EPHA5: variants seen among roughly 807,000 people sequenced by gnomAD.
EPHA5 encodes the protein ephrin type-A receptor 5.
In EPHA5, 60 loss-of-function variants were observed where a neutral mutation model predicts 105.0. The observed-to-expected ratio is 0.57, with a 90% CI of 0.46 to 0.71. The LOEUF is 0.71. EPHA5 is among the 30% of genes least tolerant of loss of function. The probability of loss-of-function intolerance (pLI) is 0.00; values close to 1 mark genes in which losing one functional copy is unlikely to be tolerated. For missense variants in EPHA5, 1,218 were observed against 1,274.7 expected (o/e 0.96, Z 0.68); for synonymous variants, 513 against 449.1 (o/e 1.14, Z -1.80).
intron 3 of EPHA5, among the ~76,000 whole-genome samples, chr4:65,522,110 T>C (rs1734789092): frequency 6.6e-6 from 1 of 151,912 alleles, no homozygotes. Context: ...GATTAAAATA[T>C]GCCAGAAGTG....
intron 3 of EPHA5, among the ~76,000 whole-genome samples, chr4:65,597,761 A>G (rs1406464722): frequency 6.6e-6 from 1 of 152,202 alleles, no homozygotes; most frequent in Non-Finnish European, 1.5e-5. Context: ...GAGGTAGTCT[A>G]TTTCTCTTAA....
intron 5 of EPHA5, among the ~76,000 whole-genome samples, chr4:65,472,261 G>C (rs559657144): frequency 6.6e-6 from 1 of 152,206 alleles, no homozygotes; most frequent in Non-Finnish European, 1.5e-5. Flanking sequence ...GCCAAAGGTG[G>C]GCTCTTATAG....
chr4:65,619,792 A>C (rs2149473945), intron 2 of EPHA5, among the ~76,000 whole-genome samples: 1 of 152,110 alleles, frequency 6.6e-6, no homozygotes, highest in African/African-American at 2.4e-5. Context: ...TACTTACATA[A>C]AAATACATAC....
intron 5 of EPHA5, among the ~76,000 whole-genome samples, chr4:65,486,959 G>A (rs1056543267): frequency 6.6e-6 from 1 of 152,146 alleles, no homozygotes; most frequent in African/African-American, 2.4e-5. Flanking sequence ...AGCAAGTTCT[G>A]AAGAGGTCTG....
At position 65,336,111 on chromosome 4, in the gene EPHA5, T is replaced by C. The variant is rs139495389; in HGVS notation, c.2610A>G (p.Val870=). Residue 870 remains valine, a synonymous_variant, in exon 15 of 17, where the codon GTA becomes GTG. Coordinates refer to ENST00000613740, the MANE Select transcript of EPHA5 (RefSeq NM_001281766.3). ...GGCTTGGCAGACGATAGCCTTCCTC[T>C]ACCGCTTTAATCACCTGTATAAAGC... ...EMTNQDVIKA[V]EEGYRLPSPM... is the part of the protein sequence containing the mutation. 65 of 1,610,946 alleles carry C rather than the reference T, an allele frequency of 4.0e-5. No homozygotes were observed. In the African/African-American group the frequency reaches 7.9e-4, roughly 20 times the overall value.
chr4:65,320,291 CAAAT>C lies in EPHA5; in HGVS notation c.*3819_*3822del, dbSNP rs984987550. The stretch of plus-strand genomic sequence containing the variant: ...GATGACTTATTTTACTTATTAATGT[CAAAT>C]AAAGCTAGCATTTTGATTCCATTTA... On this transcript the variant is annotated 3_prime_UTR_variant, in exon 17 of 17. Coordinates refer to ENST00000613740, the MANE Select transcript of EPHA5 (RefSeq NM_001281766.3). 7 of 230,048 alleles carry C rather than the reference CAAAT, an allele frequency of 3.0e-5. No individual in the cohort carries two copies. The highest frequency in any genetic ancestry group is 1.6e-4 in the African/African-American group (7 of 45,106). The allele number at this position is 230,048 out of a possible 1,614,324, so 14.3% of individuals were successfully genotyped here.
chr4:65,573,199 C>G (rs1317621915), intron 3 of EPHA5, among the ~76,000 whole-genome samples: 1 of 151,726 alleles, frequency 6.6e-6, no homozygotes, highest in African/African-American at 2.4e-5. Context: ...ATCACGAGGT[C>G]AGGATATAGA....
At chr4:65,621,685 C>A (rs1209792230) in intron 2 of EPHA5, among the ~76,000 whole-genome samples, 1 of 151,914 alleles carries the variant, frequency 6.6e-6, no homozygotes, top group Non-Finnish European at 1.5e-5. Flanking sequence ...AGTCAGGTGC[C>A]CAGGGACAAA....
chr4:65,558,643 T>A (rs1023592792), intron 3 of EPHA5, among the ~76,000 whole-genome samples: 2 of 152,236 alleles, frequency 1.3e-5, no homozygotes, highest in South Asian at 2.1e-4. Flanking sequence ...GCTGCACCCA[T>A]TAACTCGTCA....
In EPHA5 at chr4:65,365,747, A is replaced by T. The variant is rs111720165; in HGVS notation, c.1987+185T>A. On this transcript the variant is annotated intron_variant, in intron 10 of 16. Transcript: ENST00000613740. ...GCTGTTTTTAAATTTTATAAACCAG[A>T]TATTTGCTGGTTTAAGCTTGAGTTA... Among the ~76,000 whole-genome samples the T allele has an allele frequency of 5.2e-3, 764 of 146,672 alleles. 8 individuals are homozygous for T. The highest frequency in any genetic ancestry group is 0.017 in the African/African-American group (711 of 40,748).
At chr4:65,638,203 T>A (rs1410892366) in intron 2 of EPHA5, among the ~76,000 whole-genome samples, 1 of 152,184 alleles carries the variant, frequency 6.6e-6, no homozygotes, top group East Asian at 1.9e-4. Context: ...GCATTTTGAA[T>A]TCCCAAGGGA....
At chr4:65,558,769 T>G (rs541375897) in intron 3 of EPHA5, among the ~76,000 whole-genome samples, 37 of 152,228 alleles carry the variant, frequency 2.4e-4, no homozygotes, top group Admixed American at 1.3e-3. Context: ...TAGAAAATAA[T>G]TATAGAAGGT....
intron 1 of EPHA5, among the ~76,000 whole-genome samples, chr4:65,667,554 T>C (rs1052310830): frequency 6.6e-6 from 1 of 152,116 alleles, no homozygotes; most frequent in African/African-American, 2.4e-5. Flanking sequence ...CAATACAATC[T>C]GTGGGTGTTA....
chr4:65,588,317 C>T (rs1742315512), intron 3 of EPHA5, among the ~76,000 whole-genome samples: 1 of 152,128 alleles, frequency 6.6e-6, no homozygotes, highest in Admixed American at 6.6e-5. Context: ...TCTATTATTT[C>T]TAGTATATTA....
At position 65,490,465 on chromosome 4, in the gene EPHA5, G is replaced by T. The variant is rs1731290276; in HGVS notation, c.1314C>A (p.Thr438=). The T allele has an allele frequency of 6.2e-7, 1 of 1,614,118 alleles. No individual in the cohort carries two copies. Among genetic ancestry groups the T allele is most frequent in the Non-Finnish European group, 8.5e-7 (1 of 1,180,012 alleles). Residue 438 remains threonine, a synonymous_variant, in exon 5 of 17, where the codon ACC becomes ACA. Coordinates refer to ENST00000613740, the MANE Select transcript of EPHA5 (RefSeq NM_001281766.3). ...CTCCATTCACTGCCTCAATCTCAAAGGTATAGTTTGTGTGAGCGAGTAGAT... is the reference window on the plus strand; with the variant it reads ...CTCCATTCACTGCCTCAATCTCAAATGTATAGTTTGTGTGAGCGAGTAGAT... ...MVDLLAHTNY[T]FEIEAVNGVS...
chr4:65,666,027 A>C (rs1578734525), intron 1 of EPHA5, among the ~76,000 whole-genome samples: 1 of 152,182 alleles, frequency 6.6e-6, no homozygotes, highest in African/African-American at 2.4e-5. Flanking sequence ...TAGTTTTACA[A>C]ATCTATTATG....
At chr4:65,577,532 GA>G (rs1741184878) in intron 3 of EPHA5, among the ~76,000 whole-genome samples, 1 of 151,952 alleles carries the variant, frequency 6.6e-6, no homozygotes, top group Non-Finnish European at 1.5e-5. Flanking sequence ...ACCAATACAG[GA>G]AAAACCATTC....
chr4:65,554,441 T>C (rs1052427614), intron 3 of EPHA5, among the ~76,000 whole-genome samples: 21 of 151,300 alleles, frequency 1.4e-4, no homozygotes, highest in Non-Finnish European at 2.8e-4. Flanking sequence ...AAATTAATTT[T>C]CATTAAATGT....
At chr4:65,651,560 A>G (rs1748609486) in intron 1 of EPHA5, among the ~76,000 whole-genome samples, 3 of 152,206 alleles carry the variant, frequency 2.0e-5, no homozygotes, top group Non-Finnish European at 4.4e-5. Context: ...GATTCCTAAA[A>G]GAGATGACTT....
Sources: allele counts gnomAD v4.1 joint callset (sites outside exome capture counted in the v4.1 genomes callset), GRCh38; gene constraint gnomAD v4.1.1; transcripts MANE v1.5; gene names NCBI Gene and HGNC (gene_info 2026-07-23, HGNC 2026-07-21).